Variants in NFIC observed in about 807,000 individuals in gnomAD.
The protein encoded by NFIC is nuclear factor 1 C-type.
NFIC carries 12 observed loss-of-function variants against 54.4 expected under a neutral mutation model. The ratio of observed to expected loss-of-function variants is 0.22; its 90% CI spans 0.14 to 0.36. The LOEUF (loss-of-function observed/expected upper bound fraction) is 0.36. Ranked by LOEUF, NFIC falls within the 10% of genes least tolerant of loss-of-function variation. The pLI, the probability that NFIC is intolerant of heterozygous loss-of-function variation, is 1.00. For missense variants in NFIC, 575 were observed against 718.2 expected, an observed-to-expected ratio of 0.80 and a Z score of 2.28; for synonymous variants, 322 against 319.2, an observed-to-expected ratio of 1.01 and a Z score of -0.09.
intron 3 of NFIC, among the ~76,000 whole-genome samples, chr19:3,430,931 C>CAAAAAAAAAAA (rs59760975): frequency 0.13 from 10,274 of 77,682 alleles, 638 homozygotes; most frequent in African/African-American, 0.17. Flanking sequence ...GACTCCGTCT[C>CAAAAAAAAAAA]AAAAAAAAAA....
intron 10 of NFIC, among the ~76,000 whole-genome samples, chr19:3,460,215 C>T (rs1181853232): frequency 6.6e-6 from 1 of 152,184 alleles, no homozygotes; most frequent in East Asian, 1.9e-4. Context: ...ATCCGGGGGA[C>T]CTGTGACAGG....
intron 6 of NFIC, among the ~76,000 whole-genome samples, chr19:3,444,474 G>A (rs1171887599): frequency 6.6e-6 from 1 of 152,244 alleles, no homozygotes; most frequent in African/African-American, 2.4e-5. Flanking sequence ...AGGGGTCCCA[G>A]GCATGCCTGC....
At chr19:3,437,868 G>A (rs898752812) in intron 6 of NFIC, among the ~76,000 whole-genome samples, 4 of 151,732 alleles carry the variant, frequency 2.6e-5, no homozygotes, top group African/African-American at 4.8e-5. Context: ...TAGTAGAGAC[G>A]GTTTTTACTA....
chr19:3,415,108 A>G (rs996971996), intron 2 of NFIC, among the ~76,000 whole-genome samples: 1 of 151,838 alleles, frequency 6.6e-6, no homozygotes, highest in Admixed American at 6.6e-5. Flanking sequence ...CCAAAGTGCT[A>G]GGATTACAGG....
chr19:3,441,629 C>T (rs1454800247), intron 6 of NFIC, among the ~76,000 whole-genome samples: 2 of 152,244 alleles, frequency 1.3e-5, no homozygotes, highest in African/African-American at 4.8e-5. Flanking sequence ...CAGCTGTAAC[C>T]TCATTGGTGG....
At chr19:3,384,048 TG>T (rs374995470) in intron 2 of NFIC, among the ~76,000 whole-genome samples, 5 of 134,524 alleles carry the variant, frequency 3.7e-5, no homozygotes, top group Admixed American at 7.4e-5. Context: ...AGTTACCCAG[TG>T]TTTTTTTTTT....
In NFIC at chr19:3,462,761, C is replaced by A; in HGVS notation, c.1519C>A (p.Leu507Met). The A allele has an allele frequency of 1.2e-6, 2 of 1,613,980 alleles. No individual in the cohort carries two copies. The highest frequency in any genetic ancestry group is 1.7e-6 in the Non-Finnish European group (2 of 1,180,006). The part of the protein sequence containing the change: ...AGIYQAQSWY[L>M]G ...CCACTGGGCCACTCAGTCCTGGTAT[C>A]TGGGATAGCAAAGGTCTTCTTCCCT... is the stretch of plus-strand genomic sequence containing the variant. Residue 507 changes from leucine (L) to methionine (M), a missense_variant, in exon 11 of 11, where the codon CTG becomes ATG. This residue lies in a region of NFIC where 447 missense variants were observed against 526.9 expected (regional missense o/e 0.85). Coordinates refer to ENST00000443272, the MANE Select transcript of NFIC (RefSeq NM_001245002.2).
intron 2 of NFIC, among the ~76,000 whole-genome samples, chr19:3,393,078 T>C (rs557722436): frequency 1.6e-4 from 24 of 152,232 alleles, no homozygotes; most frequent in African/African-American, 5.3e-4. Context: ...GTAGCTGGGA[T>C]TACAGGTGCC....
intron 10 of NFIC, among the ~76,000 whole-genome samples, chr19:3,461,786 T>G (rs2082642157): frequency 6.6e-6 from 1 of 151,842 alleles, no homozygotes; most frequent in South Asian, 2.1e-4. Context: ...CCAGGCAGAG[T>G]GGCTCACGCC....
At chr19:3,364,213 T>C (rs1044643263), upstream of NFIC, among the ~76,000 whole-genome samples, 13 of 151,102 alleles carry the variant, frequency 8.6e-5, no homozygotes, top group South Asian at 2.1e-4. Context: ...AGCTAAATCA[T>C]GCACCCATCT....
At chr19:3,450,374 G>A (rs146798002) in intron 7 of NFIC, among the ~76,000 whole-genome samples, 1 of 139,544 alleles carries the variant, frequency 7.2e-6, no homozygotes, top group South Asian at 2.2e-4. Flanking sequence ...TCTCCATCTC[G>A]GCCAGGCACA....
At chr19:3,447,794 TC>T (rs1417536311) in intron 6 of NFIC, among the ~76,000 whole-genome samples, 3 of 152,096 alleles carry the variant, frequency 2.0e-5, no homozygotes, top group African/African-American at 7.2e-5. Context: ...ACCACCTGCT[TC>T]CCCCACACCC....
At chr19:3,448,706 G>T (rs1335660881) in intron 6 of NFIC, among the ~76,000 whole-genome samples, 1 of 152,116 alleles carries the variant, frequency 6.6e-6, no homozygotes, top group Non-Finnish European at 1.5e-5. Flanking sequence ...CAGGTGATGG[G>T]GCAGCCCTGA....
intron 6 of NFIC, among the ~76,000 whole-genome samples, chr19:3,447,977 C>T (rs1480207106): frequency 2.6e-5 from 4 of 151,982 alleles, no homozygotes; most frequent in Non-Finnish European, 5.9e-5. Flanking sequence ...TGATCTCGGC[C>T]CACTGCAACC....
rs1182280159 is a variant in NFIC at position 3,458,337 on chromosome 19, C to A, written c.1509+1702C>A. 6.6e-6 allele frequency among the ~76,000 whole-genome samples: 1 copy of A among 152,118 alleles called. No individual in the cohort carries two copies. Among genetic ancestry groups the A allele is most frequent in the Non-Finnish European group, 1.5e-5 (1 of 68,012 alleles). ...CCCTGCCCCTGCGGGAGGCTGGGAACGTCTTAAGTGGTTCAGAAACCAAAG... is the reference window on the plus strand; with the variant it reads ...CCCTGCCCCTGCGGGAGGCTGGGAAAGTCTTAAGTGGTTCAGAAACCAAAG... On this transcript the variant is annotated intron_variant, in intron 10 of 10. Coordinates refer to ENST00000443272, the MANE Select transcript of NFIC (RefSeq NM_001245002.2). This position sits in a 1 kb window ranked among gnomAD's most constrained non-coding sequence, Gnocchi z 4.1.
intron 3 of NFIC, among the ~76,000 whole-genome samples, chr19:3,425,606 C>T (rs1024894902): frequency 8.0e-5 from 12 of 150,848 alleles, no homozygotes; most frequent in Admixed American, 7.3e-4. Flanking sequence ...ATTACAGGTA[C>T]CTGCCACCAC....
intron 2 of NFIC, among the ~76,000 whole-genome samples, chr19:3,384,808 G>C (rs2081266914): frequency 6.6e-6 from 1 of 152,120 alleles, no homozygotes; most frequent in Admixed American, 6.5e-5. Context: ...GGGGACGGTG[G>C]GGGCAGAGAG....
intron 2 of NFIC, among the ~76,000 whole-genome samples, chr19:3,385,573 G>GTTTTTTTTTTTTT (rs569020735): frequency 1.8e-5 from 2 of 109,278 alleles, no homozygotes; most frequent in African/African-American, 3.3e-5. Flanking sequence ...GGTTGTTGTT[G>GTTTTTTTTTTTTT]TTTTTTTTTT....
chr19:3,400,184 A>G (rs1269945788), intron 2 of NFIC, among the ~76,000 whole-genome samples: 1 of 152,106 alleles, frequency 6.6e-6, no homozygotes, highest in Non-Finnish European at 1.5e-5. Flanking sequence ...ACAGATAAAA[A>G]TTCGGCCCTG....
Sources: allele counts gnomAD v4.1 joint callset (sites outside exome capture counted in the v4.1 genomes callset), GRCh38; gene constraint gnomAD v4.1.1; regional missense constraint gnomAD v4.1.1; non-coding constraint Gnocchi (gnomAD v3.1); transcripts MANE v1.5; gene names NCBI Gene and HGNC (gene_info 2026-07-23, HGNC 2026-07-21).